Variants in DNAH8 observed in about 807,000 individuals in gnomAD.
The protein encoded by DNAH8 is dynein axonemal heavy chain 8.
In DNAH8, 382 loss-of-function variants were observed where a neutral mutation model predicts 562.1. That is an observed-to-expected ratio of 0.68 (90% CI 0.63 to 0.74). DNAH8 has a LOEUF of 0.74. Ranked by LOEUF, DNAH8 falls within the 30% of genes least tolerant of loss-of-function variation. The pLI is 0.00. For synonymous variants in DNAH8, 1,881 were observed against 1,919.4 expected (o/e 0.98, Z 0.52); for missense variants, 5,203 against 5,620.4 (o/e 0.93, Z 2.37).
At chr6:38,715,764 G>C (rs953070104) in intron 1 of DNAH8, among the ~76,000 whole-genome samples, 1 of 144,482 alleles carries the variant, frequency 6.9e-6, no homozygotes, top group East Asian at 2.3e-4. Flanking sequence ...CTCAGAAGGG[G>C]AAGGGTGGGA....
chr6:38,918,009 C>G lies in DNAH8; in HGVS notation c.10393C>G (p.Pro3465Ala). The G allele has an allele frequency of 6.2e-7, 1 of 1,613,686 alleles. No homozygotes were observed. Among genetic ancestry groups the G allele is most frequent in the Non-Finnish European group, 8.5e-7 (1 of 1,179,732 alleles). Reference protein sequence around the residue: ...INEETVELLQPYFNMDDYTFE... With the variant: ...INEETVELLQAYFNMDDYTFE... ...TGAAGAGACTGTTGAGTTACTACAGCCATATTTTAATATGGATGATTATAC... is the reference window on the plus strand; with the variant it reads ...TGAAGAGACTGTTGAGTTACTACAGGCATATTTTAATATGGATGATTATAC... The change falls in exon 70 of 93, where the codon CCA (proline) becomes GCA (alanine). Residue 3465 changes from proline (P) to alanine (A), a missense_variant. This residue lies in a region of DNAH8 where 1,399 missense variants were observed against 1,518.4 expected (regional missense o/e 0.92). Transcript: ENST00000327475.
intron 11 of DNAH8, among the ~76,000 whole-genome samples, chr6:38,769,069 C>G (rs985081039): frequency 6.6e-6 from 1 of 152,138 alleles, no homozygotes; most frequent in Non-Finnish European, 1.5e-5. Context: ...TTTCTGAATT[C>G]TAGTTCAATG....
intron 37 of DNAH8, among the ~76,000 whole-genome samples, chr6:38,849,993 A>G (rs1775614452): frequency 6.6e-6 from 1 of 152,182 alleles, no homozygotes; most frequent in African/African-American, 2.4e-5. Flanking sequence ...TGGTACTTTG[A>G]AAAACATGTT....
At chr6:38,839,779 C>T (rs1009736666) in intron 33 of DNAH8, among the ~76,000 whole-genome samples, 7 of 152,038 alleles carry the variant, frequency 4.6e-5, no homozygotes, top group Non-Finnish European at 5.9e-5. Flanking sequence ...TCGCCTGCCT[C>T]GGCCTCCCGA....
rs377568324 is a variant in DNAH8, at chr6:38,890,224, CCTT to C, written c.8474-425_8474-423del. 1.6e-3 allele frequency among the ~76,000 whole-genome samples: 251 copies of C among 152,250 alleles called. 8 individuals are homozygous for C. The South Asian group carries it at 0.039, about 24-fold the overall frequency. On this transcript the variant is annotated intron_variant, in intron 57 of 92. Transcript: ENST00000327475. Reference sequence around the variant, plus strand: ...GGCTTCACCTGTCTGGGCCTGGTCTCCTTCTCTGTAAGATGAGGGAGTACTCTC... The same window carrying C: ...GGCTTCACCTGTCTGGGCCTGGTCTCCTCTGTAAGATGAGGGAGTACTCTC...
At chr6:38,859,083 G>A (rs1043556723) in intron 42 of DNAH8, among the ~76,000 whole-genome samples, 8 of 152,160 alleles carry the variant, frequency 5.3e-5, no homozygotes, top group African/African-American at 1.9e-4. Flanking sequence ...GAGATGTCAT[G>A]GCCAACATAT....
Position 38,990,186 on chromosome 6 carries a change from AT to A in DNAH8, c.13214+20del. 2 of 1,573,744 alleles carry A rather than the reference AT, an allele frequency of 1.3e-6. No homozygotes were observed. The highest frequency in any genetic ancestry group is 1.7e-6 in the Non-Finnish European group (2 of 1,157,018). ...TGCTGATATCACGTAAGTCCCTGGC[AT>A]TTTTTAATTTGAAGGGGTCATTTGT... On this transcript the variant is annotated intron_variant, in intron 88 of 92. Coordinates refer to ENST00000327475, the MANE Select transcript of DNAH8 (RefSeq NM_001206927.2).
At chr6:38,746,310 TTG>T (rs1207664397) in intron 8 of DNAH8, among the ~76,000 whole-genome samples, 1 of 152,222 alleles carries the variant, frequency 6.6e-6, no homozygotes, top group Non-Finnish European at 1.5e-5. Flanking sequence ...TCAGGTTGGC[TTG>T]TGTGTTTCCT....
In DNAH8 at chr6:38,995,097, C is replaced by T. The variant is rs370628858; in HGVS notation, c.13214+4925C>T. The stretch of plus-strand genomic sequence containing the variant: ...TCTGAGCTTGTCCTAGCTATTGTTG[C>T]ATGTGTGTTTCTCTATTGTTGTCAG... On this transcript the variant is annotated intron_variant, in intron 88 of 92. Coordinates refer to ENST00000327475, the MANE Select transcript of DNAH8 (RefSeq NM_001206927.2). Among the ~76,000 whole-genome samples, 36 of 141,540 alleles carry T rather than the reference C, an allele frequency of 2.5e-4. No individual in the cohort carries two copies. The South Asian group carries it at 6.8e-3, about 27-fold the overall frequency. The allele number at this position is 141,540 out of a possible 152,430, so 92.9% of individuals were successfully genotyped here. A position where few individuals can be genotyped will look rare whatever the true frequency, so the allele number is the denominator to read the frequency against.
chr6:39,000,242 C>A (rs538504639), intron 88 of DNAH8, among the ~76,000 whole-genome samples: 1 of 152,232 alleles, frequency 6.6e-6, no homozygotes, highest in East Asian at 1.9e-4. Context: ...TGATGAGGTA[C>A]AATATGGTAA....
At chr6:38,989,965 T>G in intron 87 of DNAH8, 47 bp from the exon 88 acceptor site, 3 of 1,174,988 alleles carry the variant, frequency 2.6e-6, no homozygotes, top group Non-Finnish European at 3.7e-6. Context: ...GCAGTTTTCA[T>G]TTAGATGCTC....
intron 8 of DNAH8, among the ~76,000 whole-genome samples, chr6:38,749,481 T>C (rs906758286): frequency 8.8e-5 from 13 of 147,910 alleles, no homozygotes; most frequent in South Asian, 2.1e-4. Flanking sequence ...CCATGGCACA[T>C]ATATACTATG....
At position 38,911,573 on chromosome 6, in the gene DNAH8, A is replaced by G. The variant is rs199676487; in HGVS notation, c.9846A>G (p.Glu3282=). 7 of 1,596,336 alleles carry G rather than the reference A, an allele frequency of 4.4e-6. No individual in the cohort carries two copies. The highest frequency in any genetic ancestry group is 5.2e-6 in the Non-Finnish European group (6 of 1,163,854). ...EKVKFINEQA[E]RMNIGLDKLM... Reference sequence around the variant, plus strand: ...TGAAGTTCATTAATGAACAGGCTGAACGTATGAATATTGGTAAGAGGAATG... The same window carrying G: ...TGAAGTTCATTAATGAACAGGCTGAGCGTATGAATATTGGTAAGAGGAATG... Residue 3282 remains glutamate, a synonymous_variant, in exon 66 of 93, where the codon GAA becomes GAG. Coordinates refer to ENST00000327475, the MANE Select transcript of DNAH8 (RefSeq NM_001206927.2).
chr6:38,883,259 CA>C, intron 54 of DNAH8, 62 bp from the exon 55 acceptor site: 1 of 1,508,954 alleles, frequency 6.6e-7, no homozygotes, highest in Non-Finnish European at 8.9e-7. Flanking sequence ...CCCATAGAAT[CA>C]TAAGATATTT....
rs1285080583 is a variant in DNAH8 at position 38,974,892 on chromosome 6, T to A, written c.12834+363T>A. Among the ~76,000 whole-genome samples, 5 of 152,232 alleles carry A rather than the reference T, an allele frequency of 3.3e-5. No homozygotes were observed. The South Asian group carries it at 8.3e-4, about 25-fold the overall frequency. ...AGGAGCTTGGTTTTGAAAGTGCCTGTGCTGGCCAAGAATTTTATGTGCACC... is the reference window on the plus strand; with the variant it reads ...AGGAGCTTGGTTTTGAAAGTGCCTGAGCTGGCCAAGAATTTTATGTGCACC... On this transcript the variant is annotated intron_variant, in intron 85 of 92. Transcript: ENST00000327475.
chr6:38,906,503 G>A (rs918251133), intron 63 of DNAH8, 96 bp downstream of exon 63: 1 of 1,040,016 alleles, frequency 9.6e-7, no homozygotes, highest in Non-Finnish European at 1.3e-6. Flanking sequence ...AGGCTATTTA[G>A]TACATTTTTT....
chr6:38,734,745 T>C lies in DNAH8; in HGVS notation c.762+120T>C. ...AGGACTGAATTGAGTTCCAAGAAAA[T>C]AAATGTATTCATATATTAAAAAAAA... is the stretch of plus-strand genomic sequence containing the variant. On this transcript the variant is annotated intron_variant, in intron 5 of 92. Coordinates refer to ENST00000327475, the MANE Select transcript of DNAH8 (RefSeq NM_001206927.2). 3 of 1,101,604 alleles carry C rather than the reference T, an allele frequency of 2.7e-6. No homozygotes were observed. The South Asian group carries it at 5.6e-5, about 20-fold the overall frequency. 68.2% of individuals were successfully genotyped at this position (1,101,604 alleles called of 1,614,324 possible). A position where few individuals can be genotyped will look rare whatever the true frequency, so the allele number is the denominator to read the frequency against.
intron 15 of DNAH8, among the ~76,000 whole-genome samples, chr6:38,780,969 G>A (rs1466469187): frequency 6.6e-6 from 1 of 152,032 alleles, no homozygotes; most frequent in Non-Finnish European, 1.5e-5. Flanking sequence ...ATATTAATAT[G>A]TAGCTATGTG....
intron 83 of DNAH8, among the ~76,000 whole-genome samples, chr6:38,972,754 C>T (rs555839692): frequency 6.6e-6 from 1 of 152,086 alleles, no homozygotes; most frequent in East Asian, 1.9e-4. Context: ...CCTTGAGGGA[C>T]ACCATGTTTA....
Sources: gnomAD v4.1 joint callset for allele counts (sites outside exome capture counted in the v4.1 genomes callset) on GRCh38, gnomAD v4.1.1 for gene constraint, gnomAD v4.1.1 regional missense constraint, MANE v1.5 for transcripts, NCBI Gene and HGNC (gene_info 2026-07-23, HGNC 2026-07-21) for gene names.